Variants in NCOR1 observed in about 807,000 individuals in gnomAD.
NCOR1 encodes protein phosphatase 1, regulatory subunit 109.
A neutral mutation model predicts 288.1 loss-of-function variants in NCOR1; 63 were observed. The observed-to-expected ratio is 0.22, with a 90% CI of 0.18 to 0.27. The LOEUF (loss-of-function observed/expected upper bound fraction) is 0.27. Ranked by LOEUF, NCOR1 falls within the 10% of genes least tolerant of loss-of-function variation. NCOR1 has a pLI of 1.00. For synonymous variants in NCOR1, 1,007 were observed against 1,065.9 expected, an observed-to-expected ratio of 0.94 and a Z score of 1.08; for missense variants, 2,397 against 3,019.2, an observed-to-expected ratio of 0.79 and a Z score of 4.83.
rs746325259 is a variant in NCOR1 at position 16,041,774 on chromosome 17, C to T, written c.6680-1280G>A. Reference sequence around the variant, plus strand: ...ATTTTTAAGACGGAGTCTCACTCTGCCGCCCAGGCTGGAGTGCAGCGGTGC... The same window carrying T: ...ATTTTTAAGACGGAGTCTCACTCTGTCGCCCAGGCTGGAGTGCAGCGGTGC... On this transcript the variant is annotated intron_variant, in intron 42 of 45. Transcript: ENST00000268712. Among the ~76,000 whole-genome samples, 68 of 147,154 alleles carry T rather than the reference C, an allele frequency of 4.6e-4. 2 individuals carry two copies. Among genetic ancestry groups the T allele is most frequent in the Non-Finnish European group, 5.0e-4 (33 of 66,596 alleles).
At chr17:16,160,283 T>C (rs2080566596) in intron 5 of NCOR1, among the ~76,000 whole-genome samples, 1 of 152,168 alleles carries the variant, frequency 6.6e-6, no homozygotes, top group Admixed American at 6.5e-5. Flanking sequence ...TTACCGAGTA[T>C]TACTAGTGAA....
chr17:16,056,537 A>G (rs2059952963), intron 40 of NCOR1, among the ~76,000 whole-genome samples: 1 of 151,402 alleles, frequency 6.6e-6, no homozygotes, highest in South Asian at 2.1e-4. Context: ...GTTGGTCTTG[A>G]GCTCCTGACT....
chr17:16,050,542 T>C (rs546081731), intron 40 of NCOR1, among the ~76,000 whole-genome samples: 30 of 152,274 alleles, frequency 2.0e-4, no homozygotes, highest in African/African-American at 7.0e-4. Flanking sequence ...TTTTTTGACA[T>C]AGCGATTATG....
In NCOR1 at chr17:16,194,508, GGAT is replaced by G. The variant is rs1436902811; in HGVS notation, c.59_61del (p.Tyr20_Pro21delinsSer). ...AAATGTATACTGGACAGAGTGAGGAGGATAACGACTTTGTTCTGTGCTGAATGC... is the reference window on the plus strand; with the variant it reads ...AAATGTATACTGGACAGAGTGAGGAGAACGACTTTGTTCTGTGCTGAATGC... On this transcript the variant is annotated inframe_deletion, in exon 2 of 46. Coordinates refer to ENST00000268712, the MANE Select transcript of NCOR1 (RefSeq NM_006311.4). 1 of 1,611,382 alleles carries G rather than the reference GGAT, an allele frequency of 6.2e-7. No homozygotes were observed. The highest frequency in any genetic ancestry group is 8.5e-7 in the Non-Finnish European group (1 of 1,178,842).
chr17:16,047,542 C>G (rs2058811061), intron 41 of NCOR1, among the ~76,000 whole-genome samples: 1 of 152,118 alleles, frequency 6.6e-6, no homozygotes, highest in South Asian at 2.1e-4. Flanking sequence ...AGCAAGAACT[C>G]ATATCTAAGC....
chr17:16,157,356 C>G (rs912017332), intron 6 of NCOR1, among the ~76,000 whole-genome samples: 2 of 152,134 alleles, frequency 1.3e-5, no homozygotes, highest in African/African-American at 4.8e-5. Context: ...CATATTTTTA[C>G]CTGCCCATAA....
intron 19 of NCOR1, among the ~76,000 whole-genome samples, chr17:16,105,959 G>C (rs1035462733): frequency 5.3e-5 from 8 of 152,140 alleles, no homozygotes; most frequent in African/African-American, 1.4e-4. Flanking sequence ...AATTAGCTGG[G>C]CGTGGTGGCA....
intron 35 of NCOR1, among the ~76,000 whole-genome samples, chr17:16,062,934 A>G (rs1398889018): frequency 6.6e-6 from 1 of 152,212 alleles, no homozygotes; most frequent in Admixed American, 6.5e-5. Flanking sequence ...GGACTTGGTA[A>G]GAACTACTTC....
intron 21 of NCOR1, among the ~76,000 whole-genome samples, chr17:16,092,689 ATATATATTTTTTT>A (rs1273320009): frequency 0.024 from 261 of 11,042 alleles, 14 homozygotes; most frequent in African/African-American, 0.078. Flanking sequence ...ATATATATAT[ATATATATTTTTTT>A]TTTTTTTTTT....
chr17:16,184,596 CTCT>C (rs1428814479), intron 3 of NCOR1, among the ~76,000 whole-genome samples: 1 of 152,152 alleles, frequency 6.6e-6, no homozygotes, highest in African/African-American at 2.4e-5. Flanking sequence ...GAAAAGAGAA[CTCT>C]TGTACACTGC....
chr17:16,210,730 T>A (rs1313482691), intron 1 of NCOR1, among the ~76,000 whole-genome samples: 1 of 140,760 alleles, frequency 7.1e-6, no homozygotes, highest in Non-Finnish European at 1.5e-5. Context: ...TTCACTCCAA[T>A]TTTTTTTTTT....
At chr17:16,126,006 C>T in intron 15 of NCOR1, 76 bp downstream of exon 15, 1 of 755,884 alleles carries the variant, frequency 1.3e-6, no homozygotes, top group South Asian at 2.9e-5. Flanking sequence ...GACAACTGTA[C>T]TCCCTATATC....
chr17:16,068,400 A>T, intron 31 of NCOR1: 3 of 333,620 alleles, frequency 9.0e-6, no homozygotes, highest in East Asian at 6.9e-5. Context: ...AAAATTCAAT[A>T]CTCTTCTTTA....
chr17:16,160,321 G>A (rs537139273), intron 5 of NCOR1, among the ~76,000 whole-genome samples: 11 of 152,170 alleles, frequency 7.2e-5, no homozygotes, highest in South Asian at 2.1e-4. Flanking sequence ...TGCTTTGTCC[G>A]CTGCTTTTTT....
At chr17:16,206,266 A>G (rs1309683073) in intron 1 of NCOR1, among the ~76,000 whole-genome samples, 1 of 151,928 alleles carries the variant, frequency 6.6e-6, no homozygotes, top group Non-Finnish European at 1.5e-5. Context: ...CACAAAATGC[A>G]TATACATATG....
chr17:16,131,794 G>A (rs1469491843), intron 14 of NCOR1, among the ~76,000 whole-genome samples: 1 of 152,160 alleles, frequency 6.6e-6, no homozygotes, highest in Non-Finnish European at 1.5e-5. Context: ...CTGTGGCAAT[G>A]GCAATAAAGA....
chr17:16,165,115 G>A lies in NCOR1; in HGVS notation c.482C>T (p.Ser161Leu), dbSNP rs765365064. The A allele has an allele frequency of 1.2e-5, 20 of 1,608,872 alleles. No individual in the cohort carries two copies. Among genetic ancestry groups the A allele is most frequent in the Admixed American group, 3.4e-5 (2 of 59,144 alleles). Residue 161 changes from serine (S) to leucine (L), a missense_variant, in exon 5 of 46, where the codon TCG (serine) becomes TTG (leucine). This residue lies in a region of NCOR1 where 110 missense variants were observed against 123.2 expected (regional missense o/e 0.89). Transcript: ENST00000268712. Reference protein sequence around the residue: ...GKHEAPSSPISGQPCGDDQNA... With the variant: ...GKHEAPSSPILGQPCGDDQNA... ...TTGATCATCTCCACATGGTTGCCCC[G>A]AAATTGGAGAGGATGGAGCTTCATG...
chr17:16,174,303 TA>T (rs2083673303), intron 3 of NCOR1, among the ~76,000 whole-genome samples: 1 of 152,354 alleles, frequency 6.6e-6, no homozygotes, highest in East Asian at 1.9e-4. Context: ...ACTACAAAGC[TA>T]TTATAATCAA....
intron 3 of NCOR1, among the ~76,000 whole-genome samples, chr17:16,178,227 T>C (rs769454568): frequency 7.1e-6 from 1 of 139,958 alleles, no homozygotes; most frequent in Non-Finnish European, 1.5e-5. Flanking sequence ...AGGCCAGTTG[T>C]GGTGGCTCAT....
Sources: allele counts gnomAD v4.1 joint callset (sites outside exome capture counted in the v4.1 genomes callset), GRCh38; gene constraint gnomAD v4.1.1; regional missense constraint gnomAD v4.1.1; transcripts MANE v1.5; gene names NCBI Gene and HGNC (gene_info 2026-07-23, HGNC 2026-07-21).